The following NFIA variants were observed in gnomAD, a reference collection of about 807,000 sequenced individuals.
NFIA encodes the protein nuclear factor I A.
A neutral mutation model predicts 62.8 loss-of-function variants in NFIA; 8 were observed. That is an observed-to-expected ratio of 0.13 (90% CI 0.07 to 0.23). The LOEUF is 0.23. Ranked by LOEUF, NFIA falls within the 10% of genes least tolerant of loss-of-function variation. The pLI, the probability that NFIA is intolerant of heterozygous loss-of-function variation, is 1.00. For synonymous variants in NFIA, 235 were observed against 238.1 expected (o/e 0.99, Z 0.12); for missense variants, 410 against 642.1 (o/e 0.64, Z 3.91).
At chr1:61,316,858 A>G (rs1454078677) in intron 3 of NFIA, among the ~76,000 whole-genome samples, 1 of 152,188 alleles carries the variant, frequency 6.6e-6, no homozygotes, top group Admixed American at 6.5e-5. Flanking sequence ...TTCTTTAATG[A>G]TGCTTTCTGA....
At position 61,390,613 on chromosome 1, in the gene NFIA, A is replaced by T. The variant is rs186045188; in HGVS notation, c.1075+7248A>T. Reference sequence around the variant, plus strand: ...ATCTCCCAGTTTGGCCAAGAAAAATATACTGCAGAGAATTATGAGAATTAA... The same window carrying T: ...ATCTCCCAGTTTGGCCAAGAAAAATTTACTGCAGAGAATTATGAGAATTAA... On this transcript the variant is annotated intron_variant, in intron 7 of 10. Coordinates refer to ENST00000403491, the MANE Select transcript of NFIA (RefSeq NM_001134673.4). 6.3e-4 allele frequency among the ~76,000 whole-genome samples: 96 copies of T among 152,316 alleles called. 1 individual carries two copies. Among genetic ancestry groups the T allele is most frequent in the Middle Eastern group, 3.4e-3 (1 of 294 alleles).
intron 2 of NFIA, among the ~76,000 whole-genome samples, chr1:61,235,523 A>T (rs907292128): frequency 1.3e-5 from 2 of 150,160 alleles, no homozygotes; most frequent in Non-Finnish European, 3.0e-5. Flanking sequence ...AAATAAAAAA[A>T]AATGAACAAA....
intron 4 of NFIA, among the ~76,000 whole-genome samples, chr1:61,342,994 T>C (rs1323541198): frequency 2.6e-5 from 4 of 152,236 alleles, no homozygotes; most frequent in Non-Finnish European, 5.9e-5. Flanking sequence ...CCTAGCACAT[T>C]GCCTGGCATG....
intron 10 of NFIA, among the ~76,000 whole-genome samples, chr1:61,450,747 A>C (rs1337303213): frequency 1.3e-5 from 2 of 152,148 alleles, no homozygotes; most frequent in African/African-American, 4.8e-5. Context: ...CTTTTGTTTA[A>C]GTTTTTAATC....
At chr1:61,411,202 A>G (rs1164380024) in intron 9 of NFIA, among the ~76,000 whole-genome samples, 1 of 152,182 alleles carries the variant, frequency 6.6e-6, no homozygotes, top group Non-Finnish European at 1.5e-5. Context: ...TCTGGCACTA[A>G]TACTAAACTT....
chr1:61,452,688 T>G (rs1311264264), intron 10 of NFIA, among the ~76,000 whole-genome samples: 1 of 152,160 alleles, frequency 6.6e-6, no homozygotes, highest in African/African-American at 2.4e-5. Flanking sequence ...TTGAAAGCTT[T>G]AACGTTAGAC....
At chr1:61,192,919 T>G (rs1304512030) in intron 2 of NFIA, among the ~76,000 whole-genome samples, 1 of 152,222 alleles carries the variant, frequency 6.6e-6, no homozygotes, top group Non-Finnish European at 1.5e-5. Flanking sequence ...GAGATGTTGC[T>G]CATTTTCATC....
chr1:61,177,714 C>G (rs1434625290), intron 2 of NFIA, among the ~76,000 whole-genome samples: 1 of 151,086 alleles, frequency 6.6e-6, no homozygotes, highest in African/African-American at 2.4e-5. Context: ...CTATAAGTCT[C>G]TCTTGATTTT....
intron 2 of NFIA, among the ~76,000 whole-genome samples, chr1:61,165,406 T>G (rs975985317): frequency 2.6e-5 from 4 of 152,228 alleles, no homozygotes; most frequent in African/African-American, 9.6e-5. Context: ...TGATTAAAAG[T>G]ATATTCTATA....
chr1:61,306,416 C>T (rs904274737), intron 3 of NFIA, among the ~76,000 whole-genome samples: 2 of 151,876 alleles, frequency 1.3e-5, no homozygotes, highest in East Asian at 3.9e-4. Flanking sequence ...GCTGGGACTA[C>T]AGGCGCACAC....
At chr1:61,096,697 C>T (rs1422667148) in intron 2 of NFIA, among the ~76,000 whole-genome samples, 1 of 151,720 alleles carries the variant, frequency 6.6e-6, no homozygotes, top group Non-Finnish European at 1.5e-5. Flanking sequence ...GGATTACAGG[C>T]TCCCACCACC....
intron 9 of NFIA, among the ~76,000 whole-genome samples, chr1:61,420,433 A>G (rs1426466754): frequency 7.9e-5 from 12 of 152,026 alleles, no homozygotes; most frequent in Admixed American, 7.2e-4. Context: ...CATTATTTCA[A>G]TGAGGTATTT....
chr1:61,108,907 A>G (rs1646649320), intron 2 of NFIA, among the ~76,000 whole-genome samples: 1 of 151,814 alleles, frequency 6.6e-6, no homozygotes, highest in Non-Finnish European at 1.5e-5. Flanking sequence ...TTTTTAAAGA[A>G]TGCAGTCATC....
At chr1:61,183,309 A>C (rs1232799346) in intron 2 of NFIA, among the ~76,000 whole-genome samples, 1 of 152,126 alleles carries the variant, frequency 6.6e-6, no homozygotes, top group Non-Finnish European at 1.5e-5. Context: ...AGAAGGTGGG[A>C]GCCATGCAGA....
At chr1:61,431,483 G>T (rs1358145801) in intron 10 of NFIA, among the ~76,000 whole-genome samples, 1 of 152,188 alleles carries the variant, frequency 6.6e-6, no homozygotes, top group Non-Finnish European at 1.5e-5. Flanking sequence ...CAGTATCATG[G>T]TACCCAAAAT....
intron 9 of NFIA, among the ~76,000 whole-genome samples, chr1:61,418,844 T>C (rs987685895): frequency 6.6e-6 from 1 of 152,166 alleles, no homozygotes; most frequent in African/African-American, 2.4e-5. Flanking sequence ...GCAGAAGTCT[T>C]TCAAGAGGGA....
intron 6 of NFIA, among the ~76,000 whole-genome samples, chr1:61,361,003 T>TAGATGGGA (rs3075311): frequency 1 from 152,006 of 152,104 alleles, 75,954 homozygotes; most frequent in Middle Eastern, 1. Context: ...AACTCAAGGA[T>TAGATGGGA]AGATGGGAAG....
chr1:61,110,266 T>C (rs540551662), intron 2 of NFIA, among the ~76,000 whole-genome samples: 1 of 151,888 alleles, frequency 6.6e-6, no homozygotes, highest in Non-Finnish European at 1.5e-5. Context: ...TTTTTTTTTT[T>C]TTTACATGAG....
intron 10 of NFIA, among the ~76,000 whole-genome samples, chr1:61,427,355 C>T (rs572875806): frequency 2.0e-5 from 3 of 152,220 alleles, no homozygotes; most frequent in African/African-American, 2.4e-5. Context: ...ATTAGATTCA[C>T]GTTTTGAAAT....
Sources: gnomAD v4.1 joint callset for allele counts (sites outside exome capture counted in the v4.1 genomes callset) on GRCh38, gnomAD v4.1.1 for gene constraint, MANE v1.5 for transcripts, NCBI Gene and HGNC (gene_info 2026-07-23, HGNC 2026-07-21) for gene names.